The following TULP4 variants were observed in gnomAD, a reference collection of about 807,000 sequenced individuals.
TULP4 encodes tubby-related protein 4.
A neutral mutation model predicts 129.0 loss-of-function variants in TULP4; 16 were observed. The ratio of observed to expected loss-of-function variants is 0.12; its 90% CI spans 0.08 to 0.19. TULP4 has a LOEUF of 0.19. TULP4 is among the 10% of genes least tolerant of loss of function. The probability of loss-of-function intolerance (pLI) is 1.00; values close to 1 mark genes in which losing one functional copy is unlikely to be tolerated. For synonymous variants in TULP4, 998 were observed against 854.0 expected (o/e 1.17, Z -2.94); for missense variants, 1,842 against 2,059.1 (o/e 0.89, Z 2.04).
At chr6:158,259,046 A>G (rs1219535555) in intron 1 of TULP4, among the ~76,000 whole-genome samples, 1 of 152,182 alleles carries the variant, frequency 6.6e-6, no homozygotes, top group East Asian at 1.9e-4. Flanking sequence ...CCTGGCCAAT[A>G]TGGTGAAACC....
chr6:158,352,975 A>C (rs904071574), intron 1 of TULP4, among the ~76,000 whole-genome samples: 1 of 152,104 alleles, frequency 6.6e-6, no homozygotes, highest in Non-Finnish European at 1.5e-5. Flanking sequence ...TGTCTACTTA[A>C]TTTTTCTGAT....
At chr6:158,304,242 C>T (rs1307770678) in intron 1 of TULP4, among the ~76,000 whole-genome samples, 3 of 152,100 alleles carry the variant, frequency 2.0e-5, no homozygotes, top group Non-Finnish European at 4.4e-5. Context: ...AGAACTGGAT[C>T]GTATGGAAGC....
chr6:158,493,821 C>A lies in TULP4; in HGVS notation c.1776+104C>A. Reference sequence around the variant, plus strand: ...TGCACTGCTCACTGCCACCATGGGTCCCTGAGCTCTGCTCCACATCCTGCA... The same window carrying A: ...TGCACTGCTCACTGCCACCATGGGTACCTGAGCTCTGCTCCACATCCTGCA... On this transcript the variant is annotated intron_variant, in intron 10 of 13. Transcript: ENST00000367097. The surrounding 1 kb of genome is among the most constrained non-coding windows in gnomAD (Gnocchi z 4.4). 1 of 1,310,224 alleles carries A rather than the reference C, an allele frequency of 7.6e-7. No individual in the cohort carries two copies. Among genetic ancestry groups the A allele is most frequent in the Non-Finnish European group, 1.0e-6 (1 of 985,640 alleles). The allele number at this position is 1,310,224 out of a possible 1,614,324, so 81.2% of individuals were successfully genotyped here.
At chr6:158,491,010 T>C (rs954365977) in intron 9 of TULP4, among the ~76,000 whole-genome samples, 1 of 152,236 alleles carries the variant, frequency 6.6e-6, no homozygotes, top group Non-Finnish European at 1.5e-5. Flanking sequence ...TTTGTGGACA[T>C]GTGCGCTCAT....
intron 1 of TULP4, among the ~76,000 whole-genome samples, chr6:158,299,823 A>G (rs1216720471): frequency 6.6e-6 from 1 of 152,202 alleles, no homozygotes; most frequent in Non-Finnish European, 1.5e-5. Context: ...CAGGTAAATC[A>G]GTTTGAGGGG....
At chr6:158,372,889 A>G (rs927708883) in intron 1 of TULP4, among the ~76,000 whole-genome samples, 12 of 152,250 alleles carry the variant, frequency 7.9e-5, no homozygotes, top group African/African-American at 2.4e-4. Flanking sequence ...CACTATAGCA[A>G]ATTAGCAAAC....
intron 1 of TULP4, among the ~76,000 whole-genome samples, chr6:158,399,469 C>T (rs998065618): frequency 1.4e-4 from 21 of 152,198 alleles, no homozygotes; most frequent in Non-Finnish European, 7.3e-5. Flanking sequence ...GGAGTAGAGC[C>T]TGAAGTTCTG....
Position 158,508,595 on chromosome 6 carries a change from A to G in TULP4, c.*1901A>G, listed in dbSNP as rs1780656855. The G allele has an allele frequency of 6.6e-6, 1 of 152,594 alleles. No homozygotes were observed. The highest frequency in any genetic ancestry group is 2.4e-5 in the African/African-American group (1 of 41,430). 9.5% of individuals were successfully genotyped at this position (152,594 alleles called of 1,614,324 possible). Reference sequence around the variant, plus strand: ...GAATTCAGCAATGTTATCAGAATTAATTCTTTTATATGAGTTTATGTAGCT... The same window carrying G: ...GAATTCAGCAATGTTATCAGAATTAGTTCTTTTATATGAGTTTATGTAGCT... On this transcript the variant is annotated 3_prime_UTR_variant, in exon 14 of 14. Coordinates refer to ENST00000367097, the MANE Select transcript of TULP4 (RefSeq NM_020245.5).
chr6:158,304,657 T>G (rs1779184456), intron 1 of TULP4, among the ~76,000 whole-genome samples: 1 of 122,452 alleles, frequency 8.2e-6, no homozygotes, highest in Non-Finnish European at 1.7e-5. Flanking sequence ...ACCATTAAAT[T>G]TACCAATTTT....
At position 158,506,712 on chromosome 6, in the gene TULP4, G is replaced by C; in HGVS notation, c.*18G>C. 1 of 1,520,636 alleles carries C rather than the reference G, an allele frequency of 6.6e-7. No homozygotes were observed. The highest frequency in any genetic ancestry group is 1.4e-5 in the African/African-American group (1 of 73,238). 94.2% of individuals were successfully genotyped at this position (1,520,636 alleles called of 1,614,324 possible). A position where few individuals can be genotyped will look rare whatever the true frequency, so the allele number is the denominator to read the frequency against. ...TCAAATGAAGAGACTGGTGTGGGGA[G>C]GAGAGAGATGCAGAGAGCCTTTGGA... On this transcript the variant is annotated 3_prime_UTR_variant, in exon 14 of 14. Transcript: ENST00000367097.
At chr6:158,280,230 T>G (rs1226368458), upstream of TULP4, among the ~76,000 whole-genome samples, 1 of 152,192 alleles carries the variant, frequency 6.6e-6, no homozygotes, top group African/African-American at 2.4e-5. Context: ...TAAAAAAAAC[T>G]TATACATTAA....
At chr6:158,370,228 G>A (rs1369745776) in intron 1 of TULP4, among the ~76,000 whole-genome samples, 4 of 151,870 alleles carry the variant, frequency 2.6e-5, no homozygotes, top group East Asian at 1.9e-4. Flanking sequence ...AGGCTGAGGC[G>A]GGCGGATCAC....
At chr6:158,460,010 T>C (rs1048937070) in intron 5 of TULP4, among the ~76,000 whole-genome samples, 7 of 152,236 alleles carry the variant, frequency 4.6e-5, no homozygotes, top group African/African-American at 9.6e-5. Flanking sequence ...GGTTCTTTTA[T>C]GTAATTTTTC....
chr6:158,236,795 C>CTTTTTTTTTTTTT lies in TULP4; in HGVS notation n.68+4516_68+4528dup, dbSNP rs71030149. ...AGATGGGTAAATGCCCAATTCTTTTCTTTTTTTTTTTTTTTTTTTTTTTTT... is the reference window on the plus strand; with the variant it reads ...AGATGGGTAAATGCCCAATTCTTTTCTTTTTTTTTTTTTTTTTTTTTTTTTTTTTTTTTTTTTT... On this transcript the variant is annotated intron_variant and non_coding_transcript_variant, in intron 1 of 1. Transcript: ENST00000620026. Among the ~76,000 whole-genome samples, 194 of 63,280 alleles carry CTTTTTTTTTTTTT rather than the reference C, an allele frequency of 3.1e-3. 34 individuals are homozygous for CTTTTTTTTTTTTT. Among genetic ancestry groups the CTTTTTTTTTTTTT allele is most frequent in the East Asian group, 5.2e-3 (16 of 3,082 alleles). The allele number at this position is 63,280 out of a possible 152,430, so 41.5% of individuals were successfully genotyped here. A position where few individuals can be genotyped will look rare whatever the true frequency, so the allele number is the denominator to read the frequency against.
intron 1 of TULP4, among the ~76,000 whole-genome samples, chr6:158,283,184 A>G (rs1778787566): frequency 6.6e-6 from 1 of 151,960 alleles, no homozygotes; most frequent in African/African-American, 2.4e-5. Flanking sequence ...GTTCATCTGT[A>G]AGAACCTAGA....
intron 1 of TULP4, among the ~76,000 whole-genome samples, chr6:158,294,552 A>G (rs1778997252): frequency 6.6e-6 from 1 of 152,106 alleles, no homozygotes; most frequent in Admixed American, 6.5e-5. Context: ...AGCTGTGAGG[A>G]CGTCCTGTGT....
upstream of TULP4, among the ~76,000 whole-genome samples, chr6:158,308,636 C>T (rs540687502): frequency 6.8e-6 from 1 of 147,628 alleles, no homozygotes; most frequent in Non-Finnish European, 1.5e-5. Flanking sequence ...GGGGGCTGAC[C>T]CCCCCACCTC....
chr6:158,356,997 C>T (rs188280786), intron 1 of TULP4, among the ~76,000 whole-genome samples: 1 of 152,278 alleles, frequency 6.6e-6, no homozygotes. Flanking sequence ...AAAAATAGAT[C>T]TCTGTCACAG....
chr6:158,298,562 A>G (rs1779078905), intron 1 of TULP4, among the ~76,000 whole-genome samples: 1 of 152,198 alleles, frequency 6.6e-6, no homozygotes, highest in Admixed American at 6.5e-5. Context: ...GGTCTGGCAC[A>G]TGGTATCCAG....
Sources: gnomAD v4.1 joint callset for allele counts (sites outside exome capture counted in the v4.1 genomes callset) on GRCh38, gnomAD v4.1.1 for gene constraint, Gnocchi (gnomAD v3.1) non-coding constraint, MANE v1.5 for transcripts, NCBI Gene and HGNC (gene_info 2026-07-23, HGNC 2026-07-21) for gene names.